The following IP6K1 variants were observed in gnomAD, a reference collection of about 807,000 sequenced individuals.
IP6K1 encodes the protein ATP:1D-myo-inositol-hexakisphosphate phosphotransferase.
A neutral mutation model predicts 38.3 loss-of-function variants in IP6K1; 13 were observed. That is an observed-to-expected ratio of 0.34 (90% CI 0.22 to 0.54). The LOEUF is 0.54. Ranked by LOEUF, IP6K1 falls within the 20% of genes least tolerant of loss-of-function variation. IP6K1 has a pLI of 0.92. For missense variants in IP6K1, 397 were observed against 599.8 expected (o/e 0.66, Z 3.53); for synonymous variants, 212 against 229.9 (o/e 0.92, Z 0.70).
intron 1 of IP6K1, among the ~76,000 whole-genome samples, chr3:49,761,613 C>CAAA (rs71080551): frequency 2.2e-5 from 2 of 91,724 alleles, no homozygotes; most frequent in Non-Finnish European, 4.3e-5. Context: ...GACTCCGTCT[C>CAAA]AAAAAAAAAA....
chr3:49,768,564 G>A (rs1181913176), intron 1 of IP6K1, among the ~76,000 whole-genome samples: 2 of 152,168 alleles, frequency 1.3e-5, no homozygotes, highest in Non-Finnish European at 2.9e-5. Context: ...GAGGTCAGGA[G>A]TTCGAGATCA....
chr3:49,765,912 C>T (rs1031430103), intron 1 of IP6K1, among the ~76,000 whole-genome samples: 2 of 151,678 alleles, frequency 1.3e-5, no homozygotes, highest in African/African-American at 2.4e-5. Flanking sequence ...CGCGGTGGCT[C>T]ACGCCTGTAA....
rs376362314 is a variant in IP6K1, at chr3:49,778,782, C to T, written c.-129+7572G>A. 9.2e-5 allele frequency among the ~76,000 whole-genome samples: 14 copies of T among 152,236 alleles called. No homozygotes were observed. In the South Asian group the frequency reaches 1.7e-3, roughly 18 times the overall value. ...CTGGAGTTACAGTCACGCACCACCA[C>T]GCCTGGCTAATTTTTTTATTTTTTG... On this transcript the variant is annotated intron_variant, in intron 1 of 5. Coordinates refer to ENST00000321599, the MANE Select transcript of IP6K1 (RefSeq NM_153273.4).
At chr3:49,770,580 G>A (rs1243481363) in intron 1 of IP6K1, among the ~76,000 whole-genome samples, 1 of 152,140 alleles carries the variant, frequency 6.6e-6, no homozygotes, top group East Asian at 1.9e-4. Context: ...AGGAAGTGGA[G>A]GGTGTAGTGA....
intron 1 of IP6K1, among the ~76,000 whole-genome samples, chr3:49,769,832 A>T (rs1462841757): frequency 1.3e-4 from 20 of 152,176 alleles, no homozygotes; most frequent in Non-Finnish European, 1.5e-5. Context: ...GAAAATTTAA[A>T]AACAAACAAA....
At chr3:49,774,419 A>G (rs1038322876) in intron 1 of IP6K1, among the ~76,000 whole-genome samples, 17 of 150,642 alleles carry the variant, frequency 1.1e-4, no homozygotes, top group Non-Finnish European at 2.1e-4. Context: ...AAAAAAAAAA[A>G]AAAAAAAAAA....
At chr3:49,745,780 G>A (rs1449198860) in intron 2 of IP6K1, among the ~76,000 whole-genome samples, 5 of 151,450 alleles carry the variant, frequency 3.3e-5, no homozygotes, top group South Asian at 2.1e-4. Flanking sequence ...GCTTGAACAC[G>A]GAGGTGGAGA....
At chr3:49,774,086 C>T (rs535585398) in intron 1 of IP6K1, among the ~76,000 whole-genome samples, 66 of 152,096 alleles carry the variant, frequency 4.3e-4, no homozygotes, top group African/African-American at 1.5e-3. Context: ...ACTATAAAGT[C>T]TCCAAATTAG....
chr3:49,739,146 A>AG (rs1309386464), intron 2 of IP6K1, among the ~76,000 whole-genome samples: 1 of 152,102 alleles, frequency 6.6e-6, no homozygotes, highest in African/African-American at 2.4e-5. Flanking sequence ...GAGGTTTTGA[A>AG]GGGAAAAAAA....
chr3:49,736,906 G>A (rs1440349672), intron 3 of IP6K1, among the ~76,000 whole-genome samples: 1 of 151,488 alleles, frequency 6.6e-6, no homozygotes, highest in Non-Finnish European at 1.5e-5. Flanking sequence ...CGAGTAGCTG[G>A]GACTACAGGT....
At chr3:49,744,764 G>A (rs1303875676) in intron 2 of IP6K1, among the ~76,000 whole-genome samples, 1 of 151,998 alleles carries the variant, frequency 6.6e-6, no homozygotes, top group Non-Finnish European at 1.5e-5. Flanking sequence ...CTGCTTTTAG[G>A]CCCTTTCAGC....
At chr3:49,746,934 G>T (rs1052292259) in intron 2 of IP6K1, among the ~76,000 whole-genome samples, 2 of 152,142 alleles carry the variant, frequency 1.3e-5, no homozygotes, top group African/African-American at 2.4e-5. Flanking sequence ...AATAGGTACC[G>T]AGTTTGTTTC....
intron 1 of IP6K1, among the ~76,000 whole-genome samples, chr3:49,754,920 T>G (rs1166066676): frequency 1.8e-5 from 2 of 109,682 alleles, no homozygotes; most frequent in Non-Finnish European, 3.6e-5. Flanking sequence ...GGGTTTGATA[T>G]GCAATCTTTT....
chr3:49,771,212 A>AAC (rs1559714465), intron 1 of IP6K1, among the ~76,000 whole-genome samples: 4 of 126,734 alleles, frequency 3.2e-5, no homozygotes, highest in African/African-American at 6.0e-5. Context: ...AAAAAAAAAA[A>AAC]CCCTGCCAGG....
chr3:49,771,668 T>C lies in IP6K1; in HGVS notation c.-129+14686A>G, dbSNP rs530547917. On this transcript the variant is annotated intron_variant, in intron 1 of 5. Coordinates refer to ENST00000321599, the MANE Select transcript of IP6K1 (RefSeq NM_153273.4). ...AGTTTCCTATAAAGCTAAACATACA[T>C]CTATCCTATGACCCAGCAATTCTAG... is the stretch of plus-strand genomic sequence containing the variant. Among the ~76,000 whole-genome samples the C allele has an allele frequency of 1.5e-3, 233 of 152,294 alleles. 4 individuals carry two copies. The South Asian group carries it at 0.016, about 11-fold the overall frequency.
intron 3 of IP6K1, 84 bp downstream of exon 3, chr3:49,738,128 T>G: frequency 3.8e-5 from 43 of 1,122,254 alleles, no homozygotes; most frequent in Non-Finnish European, 5.3e-5. Context: ...ACCTTGACTG[T>G]GAGCCCTGCT....
intron 1 of IP6K1, among the ~76,000 whole-genome samples, chr3:49,773,903 G>A (rs1307968818): frequency 6.6e-6 from 1 of 151,648 alleles, no homozygotes; most frequent in African/African-American, 2.4e-5. Flanking sequence ...GGTATACATG[G>A]GAGGCTGAGG....
At chr3:49,733,446 C>T (rs1449302344) in intron 3 of IP6K1, among the ~76,000 whole-genome samples, 1 of 152,156 alleles carries the variant, frequency 6.6e-6, no homozygotes, top group African/African-American at 2.4e-5. Context: ...AGGATCCAAA[C>T]AGACACTTTA....
At chr3:49,754,204 C>CA (rs11352355) in intron 1 of IP6K1, among the ~76,000 whole-genome samples, 100 of 147,760 alleles carry the variant, frequency 6.8e-4, no homozygotes, top group Middle Eastern at 3.5e-3. Context: ...TCACTTTTAC[C>CA]AAAAAAAAAA....
Sources: gnomAD v4.1 joint callset for allele counts (sites outside exome capture counted in the v4.1 genomes callset) on GRCh38, gnomAD v4.1.1 for gene constraint, MANE v1.5 for transcripts, NCBI Gene and HGNC (gene_info 2026-07-23, HGNC 2026-07-21) for gene names.